Variants in CD247 observed in about 807,000 individuals in gnomAD.
CD247 encodes CD247 molecule.
CD247 carries 13 observed loss-of-function variants against 30.0 expected under a neutral mutation model. The ratio of observed to expected loss-of-function variants is 0.43; its 90% CI spans 0.28 to 0.69. The LOEUF (loss-of-function observed/expected upper bound fraction) is 0.69. CD247 is among the 30% of genes least tolerant of loss of function. The pLI, the probability that CD247 is intolerant of heterozygous loss-of-function variation, is 0.16. For missense variants in CD247, 193 were observed against 212.6 expected (o/e 0.91, Z 0.57); for synonymous variants, 72 against 80.0 (o/e 0.90, Z 0.53).
At chr1:167,504,023 C>T (rs573469595) in intron 1 of CD247, among the ~76,000 whole-genome samples, 8 of 152,148 alleles carry the variant, frequency 5.3e-5, no homozygotes, top group Non-Finnish European at 8.8e-5. Flanking sequence ...CCTCCAAGTC[C>T]GTGACAAGCA....
intron 1 of CD247, among the ~76,000 whole-genome samples, chr1:167,477,166 C>A (rs1653784423): frequency 6.6e-6 from 1 of 152,194 alleles, no homozygotes; most frequent in Admixed American, 6.5e-5. Context: ...TAAACCTCTG[C>A]CTACCTGGAA....
intron 1 of CD247, among the ~76,000 whole-genome samples, chr1:167,507,171 G>A (rs555633911): frequency 3.3e-5 from 5 of 151,854 alleles, no homozygotes; most frequent in South Asian, 2.1e-4. Flanking sequence ...CACCTGCCTT[G>A]GCCTCCCAAA....
At position 167,438,576 on chromosome 1, in the gene CD247, TC is replaced by T; in HGVS notation, c.293del (p.Gly98GlufsTer31). 1.2e-6 allele frequency: 2 copies of T among 1,613,262 alleles called. No homozygotes were observed. The highest frequency in any genetic ancestry group is 1.7e-6 in the Non-Finnish European group (2 of 1,179,382). On this transcript the variant is annotated frameshift_variant, in exon 4 of 8. Coordinates refer to ENST00000362089, the MANE Select transcript of CD247 (RefSeq NM_198053.3). LOFTEE classifies it high-confidence loss of function. ...KRRGRDPEMG[G>X]KPQRRKNPQE... Reference sequence around the variant, plus strand: ...AAGGTAGAGGAACCCCTACCGGCTTTCCCCCCATCTCAGGGTCCCGGCCACG... The same window carrying T: ...AAGGTAGAGGAACCCCTACCGGCTTTCCCCCATCTCAGGGTCCCGGCCACG...
intron 1 of CD247, among the ~76,000 whole-genome samples, chr1:167,484,606 G>A (rs1030487958): frequency 6.6e-5 from 10 of 152,214 alleles, no homozygotes; most frequent in East Asian, 3.9e-4. Flanking sequence ...ATGAAACCCC[G>A]TCTCTACTAA....
intron 1 of CD247, among the ~76,000 whole-genome samples, chr1:167,449,759 C>T: frequency 6.6e-6 from 1 of 151,966 alleles, no homozygotes; most frequent in East Asian, 1.9e-4. Flanking sequence ...CCTCTCTCTA[C>T]TAAAAGTATG....
Position 167,439,356 on chromosome 1 carries a change from G to C in CD247, c.207C>G (p.Asn69Lys). The part of the protein sequence containing the change: ...ADAPAYQQGQ[N>K]QLYNELNLGR... ...GAGGCTGACTTACGTTATAGAGCTG[G>C]TTCTGGCCCTGCTGGTACGCGGGGG... The change falls in exon 3 of 8, where the codon AAC (asparagine) becomes AAG (lysine). Residue 69 changes from asparagine to lysine, a missense_variant. Asn to Lys is a moderately conservative substitution (Grantham distance 94). Transcript: ENST00000362089. 3 of 1,614,130 alleles carry C rather than the reference G, an allele frequency of 1.9e-6. No individual in the cohort carries two copies. The South Asian group carries it at 3.3e-5, about 18-fold the overall frequency.
intron 1 of CD247, among the ~76,000 whole-genome samples, chr1:167,449,385 C>T (rs1652252766): frequency 6.6e-6 from 1 of 151,454 alleles, no homozygotes; most frequent in Non-Finnish European, 1.5e-5. Flanking sequence ...AACTCCTGAC[C>T]TCAGGTAATC....
At chr1:167,489,718 C>G (rs1654360130) in intron 1 of CD247, among the ~76,000 whole-genome samples, 8 of 152,148 alleles carry the variant, frequency 5.3e-5, no homozygotes. Flanking sequence ...GGCAAGAGCC[C>G]CGCTGCTGAG....
chr1:167,476,631 T>C (rs996294810), intron 1 of CD247, among the ~76,000 whole-genome samples: 4 of 152,186 alleles, frequency 2.6e-5, no homozygotes, highest in African/African-American at 9.7e-5. Context: ...GAGACCAGCC[T>C]GTGCAACATA....
At chr1:167,491,263 C>T (rs1393363972) in intron 1 of CD247, among the ~76,000 whole-genome samples, 1 of 152,026 alleles carries the variant, frequency 6.6e-6, no homozygotes, top group Non-Finnish European at 1.5e-5. Flanking sequence ...GGTGGTTCCT[C>T]AGAAAGTTAA....
chr1:167,460,501 C>G (rs1223541843), intron 1 of CD247, among the ~76,000 whole-genome samples: 4 of 152,208 alleles, frequency 2.6e-5, no homozygotes, highest in Non-Finnish European at 4.4e-5. Flanking sequence ...AAAATCTGCC[C>G]TGTGTGCCAA....
At chr1:167,437,729 G>A (rs1651616457) in intron 4 of CD247, among the ~76,000 whole-genome samples, 3 of 152,164 alleles carry the variant, frequency 2.0e-5, no homozygotes. Context: ...GGGGGAATGG[G>A]GAGATGATAG....
chr1:167,457,191 C>T (rs1652721093), intron 1 of CD247, among the ~76,000 whole-genome samples: 1 of 152,206 alleles, frequency 6.6e-6, no homozygotes, highest in South Asian at 2.1e-4. Context: ...CTCAGCGGTG[C>T]TTTTGCTCCT....
chr1:167,446,176 G>A (rs1458938241), intron 1 of CD247, among the ~76,000 whole-genome samples: 1 of 152,128 alleles, frequency 6.6e-6, no homozygotes, highest in Non-Finnish European at 1.5e-5. Context: ...ACCTACCTCT[G>A]ATTTCACAGC....
At chr1:167,507,790 C>T (rs1020000190) in intron 1 of CD247, among the ~76,000 whole-genome samples, 30 of 151,904 alleles carry the variant, frequency 2.0e-4, no homozygotes, top group Admixed American at 3.9e-4. Flanking sequence ...GAGCTGTGAT[C>T]ACACCCCTGC....
At chr1:167,485,036 G>A (rs1654144937) in intron 1 of CD247, among the ~76,000 whole-genome samples, 1 of 152,184 alleles carries the variant, frequency 6.6e-6, no homozygotes, top group Non-Finnish European at 1.5e-5. Context: ...CCAAACACTG[G>A]CCCTGTCCTG....
chr1:167,435,510 C>T, intron 4 of CD247, 76 bp from the exon 5 acceptor site: 2 of 1,206,570 alleles, frequency 1.7e-6, no homozygotes, highest in African/African-American at 3.0e-5. Flanking sequence ...AAACCCCATC[C>T]TGCCCCCTGA....
chr1:167,485,470 TG>T (rs1654164734), intron 1 of CD247, among the ~76,000 whole-genome samples: 1 of 151,926 alleles, frequency 6.6e-6, no homozygotes, highest in Non-Finnish European at 1.5e-5. Flanking sequence ...TGGATTGTAG[TG>T]GGGGTGGAAG....
Position 167,494,012 on chromosome 1 carries a change from C to T in CD247, c.58+24396G>A, listed in dbSNP as rs766071706. Among the ~76,000 whole-genome samples the T allele has an allele frequency of 6.6e-6, 1 of 152,076 alleles. No individual in the cohort carries two copies. The highest frequency in any genetic ancestry group is 2.4e-5 in the African/African-American group (1 of 41,374). ...CAGGTGCAGCCTCCGGGACCCAGGA[C>T]TTTCTTCTCAGGGCTCTGCTGAGTT... On this transcript the variant is annotated intron_variant, in intron 1 of 7. Transcript: ENST00000362089. The surrounding 1 kb of genome is among the most constrained non-coding windows in gnomAD (Gnocchi z 7.3).
Sources: gnomAD v4.1 joint callset for allele counts (sites outside exome capture counted in the v4.1 genomes callset) on GRCh38, gnomAD v4.1.1 for gene constraint, Gnocchi (gnomAD v3.1) non-coding constraint, MANE v1.5 for transcripts, NCBI Gene and HGNC (gene_info 2026-07-23, HGNC 2026-07-21) for gene names.